Variants in INSR observed in about 807,000 individuals in gnomAD.
The protein encoded by INSR is insulin receptor.
INSR carries 67 observed loss-of-function variants against 142.6 expected under a neutral mutation model. The observed-to-expected ratio is 0.47, with a 90% CI of 0.39 to 0.58. INSR has a LOEUF of 0.58. INSR is among the 20% of genes least tolerant of loss of function. The pLI, the probability that INSR is intolerant of heterozygous loss-of-function variation, is 0.00. For missense variants in INSR, 1,248 were observed against 1,833.2 expected (o/e 0.68, Z 5.83); for synonymous variants, 756 against 743.1 (o/e 1.02, Z -0.28).
At position 7,119,646 on chromosome 19, in the gene INSR, GCGCAAACACACACA is replaced by G; in HGVS notation, c.3660-77_3660-64del. 1.3e-6 allele frequency: 2 copies of G among 1,500,188 alleles called. No individual in the cohort carries two copies. The highest frequency in any genetic ancestry group is 2.3e-5 in the South Asian group (2 of 87,826). The allele number at this position is 1,500,188 out of a possible 1,614,324, so 92.9% of individuals were successfully genotyped here. ...TTTAGACACACACACACACGCGCGC[GCGCAAACACACACA>G]CGCAAACGCACACACACACGCAAAC... On this transcript the variant is annotated intron_variant, in intron 20 of 21. Transcript: ENST00000302850. This position sits in a 1 kb window ranked among gnomAD's most constrained non-coding sequence, Gnocchi z 5.2.
intron 2 of INSR, among the ~76,000 whole-genome samples, chr19:7,193,429 C>T (rs1974653752): frequency 6.6e-6 from 1 of 151,424 alleles, no homozygotes; most frequent in Non-Finnish European, 1.5e-5. Flanking sequence ...GGAAAATCAC[C>T]TGAACCTGGG....
chr19:7,122,046 G>A (rs896562229), intron 19 of INSR, among the ~76,000 whole-genome samples: 5 of 152,122 alleles, frequency 3.3e-5, no homozygotes, highest in Admixed American at 2.0e-4. Context: ...AGGAGGCTGA[G>A]GCAGGAGAAT....
chr19:7,199,292 C>G (rs1463244720), intron 2 of INSR, among the ~76,000 whole-genome samples: 1 of 152,174 alleles, frequency 6.6e-6, no homozygotes, highest in African/African-American at 2.4e-5. Flanking sequence ...AGAGGGGCTA[C>G]TTTGCCAATA....
intron 13 of INSR, among the ~76,000 whole-genome samples, chr19:7,140,745 GA>G (rs199843532): frequency 7.1e-6 from 1 of 141,750 alleles, no homozygotes; most frequent in African/African-American, 2.7e-5. Flanking sequence ...TATATTCTAC[GA>G]AAAAAATAAA....
intron 2 of INSR, among the ~76,000 whole-genome samples, chr19:7,188,669 C>T (rs1433291346): frequency 6.1e-4 from 92 of 151,692 alleles, no homozygotes; most frequent in Non-Finnish European, 1.0e-4. Flanking sequence ...GTCAGGAGTT[C>T]AAGACGACCA....
At chr19:7,252,941 C>T (rs1450546087) in intron 2 of INSR, among the ~76,000 whole-genome samples, 1 of 152,104 alleles carries the variant, frequency 6.6e-6, no homozygotes, top group South Asian at 2.1e-4. Flanking sequence ...TGGTGAAACC[C>T]TGTCTCTACT....
chr19:7,242,575 TA>T (rs1241159921), intron 2 of INSR, among the ~76,000 whole-genome samples: 3 of 151,442 alleles, frequency 2.0e-5, no homozygotes, highest in African/African-American at 7.3e-5. Flanking sequence ...CCGTCTCTAC[TA>T]AAAACACAAA....
At chr19:7,197,516 G>GGTGGGTGTGT (rs1974790859) in intron 2 of INSR, among the ~76,000 whole-genome samples, 1 of 70,856 alleles carries the variant, frequency 1.4e-5, no homozygotes, top group African/African-American at 6.1e-5. Flanking sequence ...TGGGAGTGGG[G>GGTGGGTGTGT]GTGTGTGTGT....
chr19:7,219,925 C>CTCTT (rs58748750), intron 2 of INSR, among the ~76,000 whole-genome samples: 152,186 of 152,202 alleles, frequency 1, 76,085 homozygotes, highest in Middle Eastern at 1. Context: ...GGAAAAATCT[C>CTCTT]TCTATCACTC....
chr19:7,214,111 G>A (rs1271879925), intron 2 of INSR, among the ~76,000 whole-genome samples: 1 of 152,196 alleles, frequency 6.6e-6, no homozygotes, highest in Non-Finnish European at 1.5e-5. Context: ...TTTAAGGATG[G>A]CTATGTGATG....
At chr19:7,172,878 C>CAAA (rs61587971) in intron 4 of INSR, among the ~76,000 whole-genome samples, 2,351 of 143,106 alleles carry the variant, frequency 0.016, 20 homozygotes, top group African/African-American at 0.02. Flanking sequence ...ACTAAAACTA[C>CAAA]AAAAAAAAAA....
rs1972352158 is a variant in INSR at position 7,117,132 on chromosome 19, T to C, written c.4073A>G (p.His1358Arg). ...SLGFKRSYEE[H>R]IPYTHMNGGK... ...TCCGTTCATGTGTGTGTAAGGGATG[T>C]GTTCCTCGTAGCTCCGCTTGAAACC... The change falls in exon 22 of 22, where the codon CAC becomes CGC. Residue 1358 changes from histidine (H) to arginine (R), a missense_variant. This residue lies in a region of INSR where 122 missense variants were observed against 129.8 expected (regional missense o/e 0.94). Coordinates refer to ENST00000302850, the MANE Select transcript of INSR (RefSeq NM_000208.4). The C allele has an allele frequency of 6.2e-7, 1 of 1,614,140 alleles. No individual in the cohort carries two copies. Among genetic ancestry groups the C allele is most frequent in the Non-Finnish European group, 8.5e-7 (1 of 1,180,012 alleles).
Position 7,193,119 on chromosome 19 carries a change from C to CT in INSR, c.653-8483dup, listed in dbSNP as rs764541723. Among the ~76,000 whole-genome samples the CT allele has an allele frequency of 1.3e-3, 183 of 139,660 alleles. 1 individual carries two copies. Among genetic ancestry groups the CT allele is most frequent in the African/African-American group, 1.7e-3 (68 of 39,394 alleles). The allele number at this position is 139,660 out of a possible 152,430, so 91.6% of individuals were successfully genotyped here. A position where few individuals can be genotyped will look rare whatever the true frequency, so the allele number is the denominator to read the frequency against. On this transcript the variant is annotated intron_variant, in intron 2 of 21. Coordinates refer to ENST00000302850, the MANE Select transcript of INSR (RefSeq NM_000208.4). ...ATTTGATGCAGTATTTCTTTTTTTT[C>CT]TTTTTTTTTTTTTCCCCAGATGGAG... is the stretch of plus-strand genomic sequence containing the variant.
chr19:7,247,770 A>C (rs548746731), intron 2 of INSR, among the ~76,000 whole-genome samples: 113 of 152,364 alleles, frequency 7.4e-4, no homozygotes, highest in Middle Eastern at 6.8e-3. Flanking sequence ...ACTCCAGAAC[A>C]ATCTTTCATC....
At chr19:7,245,169 C>A (rs1431055198) in intron 2 of INSR, among the ~76,000 whole-genome samples, 2 of 151,778 alleles carry the variant, frequency 1.3e-5, no homozygotes, top group African/African-American at 4.8e-5. Context: ...ATCTCCTGAC[C>A]TCGTGATCCA....
chr19:7,190,117 C>T (rs1282197141), intron 2 of INSR, among the ~76,000 whole-genome samples: 3 of 151,634 alleles, frequency 2.0e-5, no homozygotes, highest in Admixed American at 1.3e-4. Context: ...GAGGCTGAGG[C>T]GGGAGGATTG....
At chr19:7,266,247 C>A (rs1967720140) in intron 2 of INSR, among the ~76,000 whole-genome samples, 1 of 152,118 alleles carries the variant, frequency 6.6e-6, no homozygotes, top group East Asian at 1.9e-4. Flanking sequence ...ATTTCCGGAA[C>A]ACCATTTGTC....
chr19:7,197,512 TGGGG>T (rs373159763), intron 2 of INSR, among the ~76,000 whole-genome samples: 43 of 101,128 alleles, frequency 4.3e-4, no homozygotes, highest in African/African-American at 7.8e-4. Flanking sequence ...AGAGTGGGAG[TGGGG>T]GTGTGTGTGT....
rs2144918462 is a variant in INSR, at chr19:7,159,046, G to A, written c.2029+3986C>T. The stretch of plus-strand genomic sequence containing the variant: ...GCCTCCTGAGTAGCTGGGATTACAG[G>A]CACCCACCACCACACCCAACTAATT... On this transcript the variant is annotated intron_variant, in intron 9 of 21. Transcript: ENST00000302850. The surrounding 1 kb of genome is among the most constrained non-coding windows in gnomAD (Gnocchi z 4.3). Among the ~76,000 whole-genome samples, 1 of 152,122 alleles carries A rather than the reference G, an allele frequency of 6.6e-6. No homozygotes were observed. The highest frequency in any genetic ancestry group is 1.5e-5 in the Non-Finnish European group (1 of 67,984).
Sources: gnomAD v4.1 joint callset for allele counts (sites outside exome capture counted in the v4.1 genomes callset) on GRCh38, gnomAD v4.1.1 for gene constraint, gnomAD v4.1.1 regional missense constraint, Gnocchi (gnomAD v3.1) non-coding constraint, MANE v1.5 for transcripts, NCBI Gene and HGNC (gene_info 2026-07-23, HGNC 2026-07-21) for gene names.